Variants in GSK3B observed in about 807,000 individuals in gnomAD.
The protein encoded by GSK3B is glycogen synthase kinase-3 beta.
GSK3B carries 15 observed loss-of-function variants against 56.4 expected under a neutral mutation model. The observed-to-expected ratio is 0.27, with a 90% CI of 0.18 to 0.41. The LOEUF (loss-of-function observed/expected upper bound fraction) is 0.41. Among genes scored for constraint, GSK3B ranks in the 10% least tolerant of loss-of-function variants. The pLI is 1.00. For synonymous variants in GSK3B, 181 were observed against 188.9 expected (o/e 0.96, Z 0.34); for missense variants, 300 against 513.4 (o/e 0.58, Z 4.02).
chr3:119,925,067 G>C (rs140714256), intron 3 of GSK3B, among the ~76,000 whole-genome samples: 3 of 151,598 alleles, frequency 2.0e-5, no homozygotes, highest in African/African-American at 7.3e-5. Flanking sequence ...GGTGGCTTAC[G>C]CCTGTAATCC....
chr3:119,879,157 C>T (rs2056350232), intron 7 of GSK3B, among the ~76,000 whole-genome samples: 1 of 152,076 alleles, frequency 6.6e-6, no homozygotes, highest in Admixed American at 6.6e-5. Flanking sequence ...GTATCCATCA[C>T]CTCAAGCATT....
chr3:119,866,773 T>C, intron 8 of GSK3B: 3 of 590,492 alleles, frequency 5.1e-6, no homozygotes, highest in Non-Finnish European at 9.0e-6. Flanking sequence ...GTTATAAACT[T>C]TAAACATCAG....
At chr3:120,054,779 C>G (rs1437229472) in intron 1 of GSK3B, among the ~76,000 whole-genome samples, 2 of 152,176 alleles carry the variant, frequency 1.3e-5, no homozygotes, top group African/African-American at 4.8e-5. Flanking sequence ...CCCTAGGCCC[C>G]TCAAACTAAC....
chr3:120,002,708 C>CAATT (rs772160798), intron 1 of GSK3B, among the ~76,000 whole-genome samples: 4 of 152,136 alleles, frequency 2.6e-5, no homozygotes, highest in Non-Finnish European at 4.4e-5. Flanking sequence ...TTACTTGTTT[C>CAATT]AATTATAAGT....
intron 1 of GSK3B, among the ~76,000 whole-genome samples, chr3:120,035,099 A>AAAAATT (rs2058011290): frequency 6.6e-6 from 1 of 152,184 alleles, no homozygotes; most frequent in Non-Finnish European, 1.5e-5. Flanking sequence ...TCTCAAAAAA[A>AAAAATT]AAAATTAAAA....
intron 1 of GSK3B, among the ~76,000 whole-genome samples, chr3:120,005,478 G>C (rs918966215): frequency 6.6e-6 from 1 of 152,130 alleles, no homozygotes; most frequent in African/African-American, 2.4e-5. Context: ...ATAATTGTCA[G>C]ATTCACCAAG....
At chr3:120,093,222 A>AT (rs2107590361) in intron 1 of GSK3B, 125 bp downstream of exon 1, 1 of 641,668 alleles carries the variant, frequency 1.6e-6, no homozygotes, top group East Asian at 2.6e-5. Context: ...TTGACTGAAG[A>AT]TAGGTTTTGC....
chr3:120,078,683 G>A (rs942118411), intron 1 of GSK3B, among the ~76,000 whole-genome samples: 3 of 151,458 alleles, frequency 2.0e-5, no homozygotes, highest in Admixed American at 2.0e-4. Flanking sequence ...CTCCCGTGTA[G>A]CTGGGATTAC....
intron 1 of GSK3B, among the ~76,000 whole-genome samples, chr3:120,050,269 C>T (rs1003841131): frequency 6.6e-6 from 1 of 152,214 alleles, no homozygotes; most frequent in Non-Finnish European, 1.5e-5. Flanking sequence ...AACAAAACAT[C>T]TCCCACCAGG....
At chr3:120,069,018 A>T (rs895598010) in intron 1 of GSK3B, among the ~76,000 whole-genome samples, 1 of 152,158 alleles carries the variant, frequency 6.6e-6, no homozygotes, top group Admixed American at 6.5e-5. Flanking sequence ...GGTAACAAGA[A>T]AGGAAGGAAA....
chr3:120,048,288 A>C (rs1047441464), intron 1 of GSK3B, among the ~76,000 whole-genome samples: 4 of 152,244 alleles, frequency 2.6e-5, no homozygotes, highest in Admixed American at 1.3e-4. Context: ...ACCTTTAACC[A>C]TTTAGTATTT....
At chr3:119,941,112 T>A (rs1347838250) in intron 3 of GSK3B, among the ~76,000 whole-genome samples, 2 of 150,726 alleles carry the variant, frequency 1.3e-5, no homozygotes, top group Non-Finnish European at 2.9e-5. Flanking sequence ...GCCTCCTGGG[T>A]TCAAGCGATT....
chr3:119,961,361 C>T (rs955827315), intron 2 of GSK3B, among the ~76,000 whole-genome samples: 1 of 152,154 alleles, frequency 6.6e-6, no homozygotes, highest in African/African-American at 2.4e-5. Context: ...GGCGCAGTGG[C>T]TCACACCTGT....
At chr3:120,038,125 C>T (rs1005570870) in intron 1 of GSK3B, among the ~76,000 whole-genome samples, 3 of 152,104 alleles carry the variant, frequency 2.0e-5, no homozygotes, top group Non-Finnish European at 4.4e-5. Context: ...ATAGCAAATT[C>T]GGAATTTATC....
At chr3:119,835,903 T>C (rs1268594034) in intron 10 of GSK3B, among the ~76,000 whole-genome samples, 1 of 152,200 alleles carries the variant, frequency 6.6e-6, no homozygotes, top group Non-Finnish European at 1.5e-5. Context: ...AGGGTAACTG[T>C]CATTTTAGAA....
At chr3:119,848,603 T>TC (rs2108017029) in intron 9 of GSK3B, among the ~76,000 whole-genome samples, 1 of 152,182 alleles carries the variant, frequency 6.6e-6, no homozygotes, top group East Asian at 1.9e-4. Flanking sequence ...ATTAATCCCT[T>TC]CCCCTAAGAC....
chr3:119,995,368 A>C (rs1372560525), intron 2 of GSK3B, among the ~76,000 whole-genome samples: 1 of 151,900 alleles, frequency 6.6e-6, no homozygotes, highest in Non-Finnish European at 1.5e-5. Flanking sequence ...AGAGGAAGAA[A>C]CTGCAAAAGT....
chr3:119,833,690 GTTTTTT>G (rs902919136), intron 10 of GSK3B, among the ~76,000 whole-genome samples: 5 of 75,788 alleles, frequency 6.6e-5, no homozygotes, highest in African/African-American at 2.6e-4. Context: ...ACATTAGGTT[GTTTTTT>G]TTTTTTTTTT....
At chr3:119,877,098 T>G (rs1190896000) in intron 7 of GSK3B, among the ~76,000 whole-genome samples, 1 of 152,172 alleles carries the variant, frequency 6.6e-6, no homozygotes, top group African/African-American at 2.4e-5. Flanking sequence ...ATAGACAGAC[T>G]TCTATGATAA....
Sources: gnomAD v4.1 joint callset for allele counts (sites outside exome capture counted in the v4.1 genomes callset) on GRCh38, gnomAD v4.1.1 for gene constraint, MANE v1.5 for transcripts, NCBI Gene and HGNC (gene_info 2026-07-23, HGNC 2026-07-21) for gene names.